CWC27: variants seen among roughly 807,000 people sequenced by gnomAD.
CWC27 encodes the protein CWC27 spliceosome associated cyclophilin, also known as spliceosome-associated protein CWC27 homolog.
A neutral mutation model predicts 63.6 loss-of-function variants in CWC27; 47 were observed. That is an observed-to-expected ratio of 0.74 (90% CI 0.58 to 0.94). CWC27 has a LOEUF of 0.94. Among genes scored for constraint, CWC27 ranks in the 40% least tolerant of loss-of-function variants. The pLI is 0.00. For synonymous variants in CWC27, 175 were observed against 179.8 expected, an observed-to-expected ratio of 0.97 and a Z score of 0.22; for missense variants, 495 against 554.3, an observed-to-expected ratio of 0.89 and a Z score of 1.07.
chr5:64,980,408 G>C (rs1233568378), intron 13 of CWC27, among the ~76,000 whole-genome samples: 1 of 152,118 alleles, frequency 6.6e-6, no homozygotes, highest in Non-Finnish European at 1.5e-5. Context: ...ATGAAGCTTG[G>C]TGAGCTCCCA....
rs1748881077 is a variant in CWC27 at position 64,960,159 on chromosome 5, C to T, written c.1043-11544C>T. Among the ~76,000 whole-genome samples, 3 of 151,334 alleles carry T rather than the reference C, an allele frequency of 2.0e-5. No homozygotes were observed. The South Asian group carries it at 6.2e-4, about 32-fold the overall frequency. ...GGATTTTATTTCATCGGGATATACC[C>T]AGTTGGTTACCTGATGCATTTTTGT... is the stretch of plus-strand genomic sequence containing the variant. On this transcript the variant is annotated intron_variant, in intron 11 of 13. Transcript: ENST00000381070.
At chr5:64,926,437 T>C (rs1748109195) in intron 11 of CWC27, among the ~76,000 whole-genome samples, 1 of 151,680 alleles carries the variant, frequency 6.6e-6, no homozygotes, top group South Asian at 2.1e-4. Context: ...CCAGGCTTGC[T>C]TGCTGTACAT....
chr5:64,894,477 T>TAG (rs1747320469), intron 11 of CWC27, among the ~76,000 whole-genome samples: 1 of 152,140 alleles, frequency 6.6e-6, no homozygotes, highest in Admixed American at 6.5e-5. Flanking sequence ...TAGGCAAACT[T>TAG]AGAGTCTTTT....
At chr5:64,843,384 C>T (rs1187621164) in intron 10 of CWC27, among the ~76,000 whole-genome samples, 3 of 152,176 alleles carry the variant, frequency 2.0e-5, no homozygotes, top group Non-Finnish European at 4.4e-5. Context: ...AGAATAGAAT[C>T]AAGGATTTGC....
chr5:65,011,469 T>C (rs1035808007), intron 13 of CWC27, among the ~76,000 whole-genome samples: 1 of 152,142 alleles, frequency 6.6e-6, no homozygotes, highest in Non-Finnish European at 1.5e-5. Flanking sequence ...ATAGTGTATA[T>C]AGAGGCAGCG....
chr5:64,898,137 A>C (rs1302259802), intron 11 of CWC27, among the ~76,000 whole-genome samples: 2 of 152,222 alleles, frequency 1.3e-5, no homozygotes, highest in Non-Finnish European at 2.9e-5. Flanking sequence ...GACCATAAAG[A>C]AAGAAAATTT....
At chr5:64,878,605 A>C (rs928373849) in intron 10 of CWC27, among the ~76,000 whole-genome samples, 1 of 151,520 alleles carries the variant, frequency 6.6e-6, no homozygotes, top group African/African-American at 2.4e-5. Flanking sequence ...AAAACTGAGG[A>C]TCAATGAGGT....
At chr5:65,001,564 G>A (rs1435094826) in intron 13 of CWC27, among the ~76,000 whole-genome samples, 3 of 151,826 alleles carry the variant, frequency 2.0e-5, no homozygotes, top group African/African-American at 7.3e-5. Context: ...TTCTTGCATC[G>A]ATCAAGACAA....
intron 10 of CWC27, among the ~76,000 whole-genome samples, chr5:64,868,565 C>G (rs948975528): frequency 6.6e-6 from 1 of 152,012 alleles, no homozygotes; most frequent in African/African-American, 2.4e-5. Context: ...CACCCCAAAC[C>G]CACAGAATCA....
intron 9 of CWC27, among the ~76,000 whole-genome samples, chr5:64,802,945 C>A (rs1744536984): frequency 6.6e-6 from 1 of 152,082 alleles, no homozygotes; most frequent in Non-Finnish European, 1.5e-5. Flanking sequence ...ACATTCACAA[C>A]CAAAATTATA....
chr5:64,931,462 A>T, intron 11 of CWC27, among the ~76,000 whole-genome samples: 1 of 151,760 alleles, frequency 6.6e-6, no homozygotes, highest in Non-Finnish European at 1.5e-5. Flanking sequence ...AAATTGATAA[A>T]CTCTTTTTTT....
chr5:64,848,825 G>T (rs1353340038), intron 10 of CWC27, among the ~76,000 whole-genome samples: 1 of 152,020 alleles, frequency 6.6e-6, no homozygotes, highest in Non-Finnish European at 1.5e-5. Flanking sequence ...AGGTATAGAA[G>T]GAATGTGCCT....
intron 11 of CWC27, among the ~76,000 whole-genome samples, chr5:64,936,398 A>G (rs1748353079): frequency 1.3e-5 from 2 of 152,190 alleles, no homozygotes; most frequent in South Asian, 4.1e-4. Context: ...GTGATGGATT[A>G]CGTTTATTGA....
chr5:64,969,712 GT>G (rs995907407), intron 11 of CWC27, among the ~76,000 whole-genome samples: 27 of 151,932 alleles, frequency 1.8e-4, no homozygotes, highest in African/African-American at 6.5e-4. Flanking sequence ...TTAATGTCTA[GT>G]GAGTTTAAAG....
chr5:65,007,139 C>T (rs1042042944), intron 13 of CWC27, among the ~76,000 whole-genome samples: 22 of 152,164 alleles, frequency 1.4e-4, no homozygotes, highest in African/African-American at 3.1e-4. Flanking sequence ...ACCCTTGAAA[C>T]GATGTGATGC....
intron 13 of CWC27, among the ~76,000 whole-genome samples, chr5:65,006,040 T>C (rs1212039894): frequency 6.6e-6 from 1 of 152,184 alleles, no homozygotes; most frequent in Non-Finnish European, 1.5e-5. Flanking sequence ...AATTAACTCA[T>C]TTGAAATGAA....
At chr5:64,815,587 C>T (rs543869722) in intron 10 of CWC27, among the ~76,000 whole-genome samples, 23 of 152,268 alleles carry the variant, frequency 1.5e-4, no homozygotes, top group Admixed American at 1.5e-3. Context: ...TTGCTGTCTA[C>T]ATCTATGACT....
chr5:64,901,972 G>T (rs1747520497), intron 11 of CWC27, among the ~76,000 whole-genome samples: 1 of 152,042 alleles, frequency 6.6e-6, no homozygotes, highest in Non-Finnish European at 1.5e-5. Context: ...CCACTGATGG[G>T]TCTTCAGGGG....
chr5:64,902,406 G>A (rs1046137178), intron 11 of CWC27, among the ~76,000 whole-genome samples: 3 of 152,194 alleles, frequency 2.0e-5, no homozygotes, highest in Admixed American at 6.5e-5. Context: ...TGACTGTAGT[G>A]CAAAGTATGG....
Sources: gnomAD v4.1 joint callset for allele counts (sites outside exome capture counted in the v4.1 genomes callset) on GRCh38, gnomAD v4.1.1 for gene constraint, MANE v1.5 for transcripts, NCBI Gene and HGNC (gene_info 2026-07-23, HGNC 2026-07-21) for gene names.